Variants in SCFD2 observed in about 807,000 individuals in gnomAD.
SCFD2 encodes sec1 family domain containing 2, also known as sec1 family domain-containing protein 2.
A neutral mutation model predicts 58.9 loss-of-function variants in SCFD2; 54 were observed. That is an observed-to-expected ratio of 0.92 (90% CI 0.74 to 1.15). SCFD2 has a LOEUF of 1.15. Among genes scored for constraint, SCFD2 ranks in the 50% most tolerant of loss-of-function variants. The probability of loss-of-function intolerance (pLI) is 0.00; values close to 1 mark genes in which losing one functional copy is unlikely to be tolerated. For missense variants in SCFD2, 805 were observed against 836.6 expected (o/e 0.96, Z 0.47); for synonymous variants, 321 against 335.9 (o/e 0.96, Z 0.49).
chr4:53,298,747 C>T (rs182346773), intron 3 of SCFD2, among the ~76,000 whole-genome samples: 4 of 152,296 alleles, frequency 2.6e-5, no homozygotes, highest in African/African-American at 9.6e-5. Context: ...TGAGACAAAA[C>T]TTCCAGAGGA....
chr4:53,227,422 T>C (rs1266235676), intron 4 of SCFD2, among the ~76,000 whole-genome samples: 3 of 152,218 alleles, frequency 2.0e-5, no homozygotes, highest in Non-Finnish European at 4.4e-5. Context: ...AAGCCATCTA[T>C]AGAAGGGTGT....
At chr4:52,961,096 A>G (rs930449219) in intron 5 of SCFD2, among the ~76,000 whole-genome samples, 1 of 152,150 alleles carries the variant, frequency 6.6e-6, no homozygotes, top group Non-Finnish European at 1.5e-5. Context: ...TGATTCTGGC[A>G]TATTGATTTT....
intron 4 of SCFD2, among the ~76,000 whole-genome samples, chr4:53,158,908 C>T (rs1726772084): frequency 6.6e-6 from 1 of 152,194 alleles, no homozygotes; most frequent in African/African-American, 2.4e-5. Flanking sequence ...TCTCAGGATT[C>T]AACCTAAGCA....
At chr4:53,332,556 G>C (rs1733518114) in intron 2 of SCFD2, among the ~76,000 whole-genome samples, 1 of 152,196 alleles carries the variant, frequency 6.6e-6, no homozygotes, top group Admixed American at 6.5e-5. Flanking sequence ...AACCCTTAAT[G>C]CTAAAAACTC....
chr4:52,988,065 A>G (rs566565691), intron 5 of SCFD2, among the ~76,000 whole-genome samples: 2 of 152,246 alleles, frequency 1.3e-5, no homozygotes, highest in South Asian at 2.1e-4. Context: ...CTAAACTCTA[A>G]CCTTGCAGAG....
intron 5 of SCFD2, 147 bp from the exon 6 acceptor site, chr4:52,921,017 T>C: frequency 2.4e-6 from 1 of 425,124 alleles, no homozygotes; most frequent in Non-Finnish European, 4.0e-6. Context: ...TGTTTTCCTC[T>C]GGCTGTTTAC....
intron 5 of SCFD2, chr4:52,948,729 T>A (rs911930524): frequency 3.2e-6 from 1 of 315,318 alleles, no homozygotes; most frequent in Non-Finnish European, 6.4e-6. Context: ...ACACGCTGGA[T>A]CCTCTCCTTT....
intron 2 of SCFD2, among the ~76,000 whole-genome samples, chr4:53,346,135 A>C (rs1044991853): frequency 6.6e-6 from 1 of 151,480 alleles, no homozygotes; most frequent in East Asian, 1.9e-4. Context: ...AAGAAATAAG[A>C]TATTTATACA....
chr4:53,258,348 C>T (rs1221106168), intron 4 of SCFD2, among the ~76,000 whole-genome samples: 1 of 151,856 alleles, frequency 6.6e-6, no homozygotes, highest in East Asian at 1.9e-4. Flanking sequence ...TCCCCAAAGT[C>T]CACTGTATCA....
At chr4:53,347,616 G>A (rs1734094230) in intron 2 of SCFD2, among the ~76,000 whole-genome samples, 1 of 152,192 alleles carries the variant, frequency 6.6e-6, no homozygotes, top group African/African-American at 2.4e-5. Flanking sequence ...TGCCAAGTGT[G>A]TATCTGCAGG....
At chr4:53,248,186 A>G (rs1730179956) in intron 4 of SCFD2, among the ~76,000 whole-genome samples, 1 of 152,002 alleles carries the variant, frequency 6.6e-6, no homozygotes, top group South Asian at 2.1e-4. Context: ...AAATCGGGCC[A>G]CTCCCACCCA....
At chr4:53,103,502 C>A (rs1724888614) in intron 5 of SCFD2, among the ~76,000 whole-genome samples, 2 of 150,122 alleles carry the variant, frequency 1.3e-5, no homozygotes, top group South Asian at 4.2e-4. Context: ...TAGAATGTTT[C>A]ATAAAAATAT....
At chr4:53,251,026 T>G (rs533780007) in intron 4 of SCFD2, among the ~76,000 whole-genome samples, 3 of 152,072 alleles carry the variant, frequency 2.0e-5, no homozygotes, top group African/African-American at 2.4e-5. Flanking sequence ...ATCAAATAGA[T>G]GCAATAAAAA....
Position 53,273,862 on chromosome 4 carries a change from C to T in SCFD2, c.1275G>A (p.Trp425Ter). 1 of 1,613,400 alleles carries T rather than the reference C, an allele frequency of 6.2e-7. No homozygotes were observed. The highest frequency in any genetic ancestry group is 8.5e-7 in the Non-Finnish European group (1 of 1,179,652). The change falls in exon 4 of 9, where the codon TGG (tryptophan) becomes TGA (stop). Residue 425 changes from tryptophan to a stop codon, truncating the protein, a stop_gained. Transcript: ENST00000401642. LOFTEE classifies it high-confidence loss of function. ...QTLKHPQTAKWDNFLAFERLL... is the reference protein window; with the variant it reads ...QTLKHPQTAK Reference sequence around the variant, plus strand: ...GCCTTTCAAAAGCCAGAAAGTTGTCCCACTTGGCAGTCTGTGGGTGTTTCA... The same window carrying T: ...GCCTTTCAAAAGCCAGAAAGTTGTCTCACTTGGCAGTCTGTGGGTGTTTCA...
intron 5 of SCFD2, among the ~76,000 whole-genome samples, chr4:52,933,995 AT>A (rs1423763485): frequency 6.6e-6 from 1 of 152,114 alleles, no homozygotes; most frequent in African/African-American, 2.4e-5. Context: ...TGCCTTTGGA[AT>A]TTCCAGTCTC....
chr4:53,301,407 T>A (rs997046858), intron 3 of SCFD2, among the ~76,000 whole-genome samples: 1 of 151,484 alleles, frequency 6.6e-6, no homozygotes, highest in African/African-American at 2.4e-5. Context: ...CAGGAAGAGG[T>A]TGAATCTCTG....
At chr4:53,078,755 C>G (rs371437077) in intron 5 of SCFD2, among the ~76,000 whole-genome samples, 73 of 152,214 alleles carry the variant, frequency 4.8e-4, no homozygotes, top group African/African-American at 1.7e-3. Context: ...TGATCTGATT[C>G]CAATATCCAT....
chr4:53,090,966 T>C (rs1724451332), intron 5 of SCFD2, among the ~76,000 whole-genome samples: 1 of 152,156 alleles, frequency 6.6e-6, no homozygotes. Context: ...CCACTGAAAC[T>C]CTAATCTTCA....
intron 4 of SCFD2, among the ~76,000 whole-genome samples, chr4:53,179,167 T>C (rs1485056199): frequency 3.3e-5 from 5 of 152,054 alleles, no homozygotes; most frequent in African/African-American, 1.2e-4. Flanking sequence ...AAGATACTCC[T>C]CAAGAGGAGC....
Sources: gnomAD v4.1 joint callset for allele counts (sites outside exome capture counted in the v4.1 genomes callset) on GRCh38, gnomAD v4.1.1 for gene constraint, MANE v1.5 for transcripts, NCBI Gene and HGNC (gene_info 2026-07-23, HGNC 2026-07-21) for gene names.